ACACA: variants seen among roughly 807,000 people sequenced by gnomAD.
The protein encoded by ACACA is acetyl-CoA carboxylase 1.
Under a neutral mutation model 296.1 loss-of-function variants are expected in ACACA, and 103 were observed. That is an observed-to-expected ratio of 0.35 (90% CI 0.30 to 0.41). ACACA has a LOEUF of 0.41. ACACA is among the 10% of genes least tolerant of loss of function. ACACA has a pLI of 1.00. For synonymous variants in ACACA, 953 were observed against 1,038.6 expected (o/e 0.92, Z 1.58); for missense variants, 1,554 against 2,989.7 (o/e 0.52, Z 11.20).
chr17:37,296,527 G>A (rs1440213071), intron 3 of ACACA, among the ~76,000 whole-genome samples: 4 of 151,788 alleles, frequency 2.6e-5, no homozygotes, highest in South Asian at 4.2e-4. Flanking sequence ...GGATGGTCTC[G>A]ATCTCCTGAC....
At chr17:37,223,792 TTA>T (rs1289274449) in intron 27 of ACACA, among the ~76,000 whole-genome samples, 191 bp from the exon 28 acceptor site, 10 of 152,196 alleles carry the variant, frequency 6.6e-5, no homozygotes, top group Admixed American at 5.9e-4. Flanking sequence ...GGCTGTTGTA[TTA>T]TATGAGTAAA....
chr17:37,196,109 T>C (rs559546764), intron 35 of ACACA, among the ~76,000 whole-genome samples: 9 of 152,270 alleles, frequency 5.9e-5, no homozygotes, highest in African/African-American at 1.9e-4. Context: ...TAGCTGATTA[T>C]GATACTAATA....
At chr17:37,288,496 C>T (rs915919585) in intron 3 of ACACA, among the ~76,000 whole-genome samples, 21 of 152,150 alleles carry the variant, frequency 1.4e-4, no homozygotes, top group African/African-American at 4.1e-4. Context: ...CTGTGGGAAC[C>T]GACTGCAAGG....
rs1366133893 is a variant in ACACA, at chr17:37,086,970, C to T, written c.*346G>A. On this transcript the variant is annotated 3_prime_UTR_variant, in exon 56 of 56. Transcript: ENST00000616317. ...CTCACGCTTCCCCATGCTGGGAGGC[C>T]AAGGGGCTGTCAGGACAGGAGGGGC... is the stretch of plus-strand genomic sequence containing the variant. 8.1e-6 allele frequency: 3 copies of T among 372,326 alleles called. No homozygotes were observed. Among genetic ancestry groups the T allele is most frequent in the Non-Finnish European group, 1.0e-5 (2 of 194,490 alleles). 23.1% of individuals were successfully genotyped at this position (372,326 alleles called of 1,614,324 possible).
At chr17:37,181,871 G>A (rs1192584316) in intron 39 of ACACA, among the ~76,000 whole-genome samples, 1 of 120,446 alleles carries the variant, frequency 8.3e-6, no homozygotes, top group Non-Finnish European at 1.6e-5. Flanking sequence ...CTGCACTCCA[G>A]CCTGGGCAAC....
chr17:37,179,254 A>G lies in ACACA; in HGVS notation c.5079+6T>C. ...AAGAAAGGGAAGGGGGGTTTCAACT[A>G]CTTGCCTCATTTCCTCCTGGAAGCC... On this transcript the variant is annotated splice_donor_region_variant and intron_variant, in intron 41 of 55. Transcript: ENST00000616317. 6.2e-7 allele frequency: 1 copy of G among 1,614,064 alleles called. No individual in the cohort carries two copies. The highest frequency in any genetic ancestry group is 8.5e-7 in the Non-Finnish European group (1 of 1,179,990).
At chr17:37,290,809 C>A (rs2083014003) in intron 3 of ACACA, among the ~76,000 whole-genome samples, 1 of 152,004 alleles carries the variant, frequency 6.6e-6, no homozygotes, top group African/African-American at 2.4e-5. Flanking sequence ...CACTGGCGGG[C>A]ACAGTGGCTC....
intron 1 of ACACA, among the ~76,000 whole-genome samples, chr17:37,396,105 C>A (rs956487164): frequency 6.6e-6 from 1 of 152,074 alleles, no homozygotes; most frequent in African/African-American, 2.4e-5. Context: ...TTTGGAGGGC[C>A]GAGTCGGGTG....
intron 1 of ACACA, among the ~76,000 whole-genome samples, chr17:37,354,883 C>T (rs1034303058): frequency 3.9e-5 from 6 of 152,314 alleles, no homozygotes; most frequent in Non-Finnish European, 7.3e-5. Context: ...GCAATGATCA[C>T]GTCACTGCAC....
At chr17:37,351,436 C>T (rs1312396668) in intron 1 of ACACA, among the ~76,000 whole-genome samples, 1 of 152,148 alleles carries the variant, frequency 6.6e-6, no homozygotes, top group Non-Finnish European at 1.5e-5. Context: ...GCACTCTAGC[C>T]TGGGGTGACA....
intron 3 of ACACA, among the ~76,000 whole-genome samples, chr17:37,294,664 A>C (rs2083243594): frequency 6.6e-6 from 1 of 152,230 alleles, no homozygotes; most frequent in South Asian, 2.1e-4. Flanking sequence ...ATTCAACAGC[A>C]AGCTCCAGAT....
At chr17:37,263,077 C>T (rs890983774) in intron 11 of ACACA, among the ~76,000 whole-genome samples, 9 of 152,108 alleles carry the variant, frequency 5.9e-5, no homozygotes, top group African/African-American at 2.2e-4. Context: ...TTCAAGAGTA[C>T]ATCCTAATAT....
intron 1 of ACACA, among the ~76,000 whole-genome samples, chr17:37,362,507 G>A (rs1006927603): frequency 6.6e-6 from 1 of 152,140 alleles, no homozygotes; most frequent in African/African-American, 2.4e-5. Context: ...ATATGAATTT[G>A]TAATAGCCAT....
intron 1 of ACACA, chr17:37,387,892 T>C (rs1226163042): frequency 6.6e-6 from 1 of 152,052 alleles, no homozygotes; most frequent in African/African-American, 2.4e-5. Flanking sequence ...GCCAGGTGAG[T>C]TGGCTCACAC....
Position 37,113,590 on chromosome 17 carries a change from G to T in ACACA, c.6275-325C>A, listed in dbSNP as rs535896459. Among the ~76,000 whole-genome samples, 2 of 152,106 alleles carry T rather than the reference G, an allele frequency of 1.3e-5. No individual in the cohort carries two copies. The highest frequency in any genetic ancestry group is 4.8e-5 in the African/African-American group (2 of 41,394). ...ATTAATTCACATTTGCTCTACAAAC[G>T]TTGAGTATTTTTCATGTCAATATGT... On this transcript the variant is annotated intron_variant, in intron 50 of 55. Transcript: ENST00000616317. The surrounding 1 kb of genome is among the most constrained non-coding windows in gnomAD (Gnocchi z 4.0).
At chr17:37,252,177 C>A (rs2081025255) in intron 15 of ACACA, 69 bp from the exon 16 acceptor site, 1 of 1,283,560 alleles carries the variant, frequency 7.8e-7, no homozygotes, top group South Asian at 1.2e-5. Flanking sequence ...CAAATGAAAT[C>A]AGGCTCAAAT....
chr17:37,244,627 C>A lies in ACACA; in HGVS notation c.2703G>T (p.Met901Ile). 6.2e-7 allele frequency: 1 copy of A among 1,614,200 alleles called. No homozygotes were observed. Among genetic ancestry groups the A allele is most frequent in the Non-Finnish European group, 8.5e-7 (1 of 1,180,006 alleles). The change falls in exon 21 of 56, where the codon ATG (methionine) becomes ATT (isoleucine). Residue 901 changes from methionine to isoleucine, a missense_variant. By Grantham distance (10) the Met-to-Ile change is conservative. This residue lies in a region of ACACA where 316 missense variants were observed against 540.9 expected (regional missense o/e 0.58). Transcript: ENST00000616317. ...HYVLDNLVNV[M>I]NGYCLPDPFF... is the part of the protein sequence containing the mutation. Reference sequence around the variant, plus strand: ...AAGGATCTGGAAGGCAGTATCCATTCATTACATTGACCAGATTATCCAGGA... The same window carrying A: ...AAGGATCTGGAAGGCAGTATCCATTAATTACATTGACCAGATTATCCAGGA...
intron 54 of ACACA, among the ~76,000 whole-genome samples, chr17:37,090,283 C>T (rs1225738664): frequency 6.6e-6 from 1 of 152,188 alleles, no homozygotes; most frequent in Non-Finnish European, 1.5e-5. Flanking sequence ...ACTGTCACTT[C>T]CTGTCTCTAA....
At chr17:37,402,191 A>G (rs1386534373) in intron 1 of ACACA, among the ~76,000 whole-genome samples, 4 of 152,166 alleles carry the variant, frequency 2.6e-5, no homozygotes, top group Non-Finnish European at 5.9e-5. Context: ...GGAACAAGGC[A>G]CTTAGTCATC....
Sources: gnomAD v4.1 joint callset for allele counts (sites outside exome capture counted in the v4.1 genomes callset) on GRCh38, gnomAD v4.1.1 for gene constraint, gnomAD v4.1.1 regional missense constraint, Gnocchi (gnomAD v3.1) non-coding constraint, MANE v1.5 for transcripts, NCBI Gene and HGNC (gene_info 2026-07-23, HGNC 2026-07-21) for gene names.